The following MPP7 variants were observed in gnomAD, a reference collection of about 807,000 sequenced individuals.
The protein encoded by MPP7 is MAGUK p55 subfamily member 7.
Under a neutral mutation model 76.5 loss-of-function variants are expected in MPP7, and 60 were observed. That is an observed-to-expected ratio of 0.78 (90% CI 0.64 to 0.97). The LOEUF is 0.97. Ranked by LOEUF, MPP7 falls within the 50% of genes least tolerant of loss-of-function variation. MPP7 has a pLI of 0.00. For missense variants in MPP7, 641 were observed against 694.0 expected, an observed-to-expected ratio of 0.92 and a Z score of 0.86; for synonymous variants, 237 against 244.5, an observed-to-expected ratio of 0.97 and a Z score of 0.29.
At chr10:28,163,002 C>T (rs1291190200) in intron 3 of MPP7, among the ~76,000 whole-genome samples, 2 of 152,122 alleles carry the variant, frequency 1.3e-5, no homozygotes, top group African/African-American at 4.8e-5. Flanking sequence ...GATAATCTTC[C>T]TATCTCAAGG....
chr10:28,249,421 T>A (rs775103196), intron 1 of MPP7, among the ~76,000 whole-genome samples: 4 of 152,122 alleles, frequency 2.6e-5, no homozygotes, highest in Non-Finnish European at 5.9e-5. Flanking sequence ...AAACCCCATC[T>A]CTACTAAAAA....
At chr10:28,118,589 G>C in intron 11 of MPP7, 1 of 985,368 alleles carries the variant, frequency 1.0e-6, no homozygotes, top group Non-Finnish European at 1.2e-6. Context: ...TAAGAACAGT[G>C]CAATATTCTC....
At chr10:28,065,945 T>C (rs570225423) in intron 13 of MPP7, among the ~76,000 whole-genome samples, 3 of 152,338 alleles carry the variant, frequency 2.0e-5, no homozygotes, top group African/African-American at 7.2e-5. Context: ...TAATAATTTT[T>C]GTTACCTATT....
At chr10:28,241,620 A>G (rs10826432) in intron 1 of MPP7, among the ~76,000 whole-genome samples, 24,715 of 152,132 alleles carry the variant, frequency 0.16, 2,355 homozygotes, top group African/African-American at 0.26. Flanking sequence ...TCGATTTACT[A>G]CAACACAAAA....
intron 3 of MPP7, among the ~76,000 whole-genome samples, chr10:28,176,164 G>A (rs1836852186): frequency 1.3e-5 from 2 of 152,178 alleles, no homozygotes; most frequent in East Asian, 3.9e-4. Flanking sequence ...CTAGAATTGA[G>A]AATCACTTGA....
intron 1 of MPP7, among the ~76,000 whole-genome samples, chr10:28,270,907 G>C (rs1840307751): frequency 6.6e-6 from 1 of 152,000 alleles, no homozygotes; most frequent in African/African-American, 2.4e-5. Context: ...TCTCTCAGTG[G>C]GACTGCCCCA....
intron 3 of MPP7, among the ~76,000 whole-genome samples, chr10:28,171,620 A>G (rs1836683542): frequency 6.6e-6 from 1 of 152,220 alleles, no homozygotes; most frequent in Admixed American, 6.5e-5. Context: ...TATGTTGATA[A>G]AAGTTTATGC....
At position 28,185,200 on chromosome 10, in the gene MPP7, G is replaced by A. The variant is rs1837194572; in HGVS notation, c.156+16953C>T. 2.7e-5 allele frequency among the ~76,000 whole-genome samples: 4 copies of A among 147,760 alleles called. No individual in the cohort carries two copies. The South Asian group carries it at 8.4e-4, about 31-fold the overall frequency. On this transcript the variant is annotated intron_variant, in intron 3 of 16. Coordinates refer to ENST00000683449, the MANE Select transcript of MPP7 (RefSeq NM_001318170.2). ...AAAATAAGTTATAAATTATTATGTT[G>A]TTATATGATATAATATAGTATAATA...
At chr10:28,201,174 A>C (rs563230851) in intron 3 of MPP7, among the ~76,000 whole-genome samples, 1 of 152,324 alleles carries the variant, frequency 6.6e-6, no homozygotes, top group Non-Finnish European at 1.5e-5. Context: ...GCCACATATC[A>C]ACACTTCCAT....
intron 11 of MPP7, among the ~76,000 whole-genome samples, chr10:28,106,306 T>C (rs73606061): frequency 0.017 from 2,634 of 152,314 alleles, 75 homozygotes; most frequent in African/African-American, 0.058. Context: ...CCAGGATACC[T>C]ATCTACAGCA....
chr10:28,116,807 T>A (rs78302884), intron 11 of MPP7, among the ~76,000 whole-genome samples: 11,999 of 152,182 alleles, frequency 0.079, 881 homozygotes, highest in African/African-American at 0.19. Flanking sequence ...CTTCTGGGTT[T>A]GTATTAGATA....
rs576780325 is a variant in MPP7, at chr10:28,051,327, T to C, written c.*2738A>G. 3.3e-5 allele frequency: 5 copies of C among 152,170 alleles called. No homozygotes were observed. Among genetic ancestry groups the C allele is most frequent in the Non-Finnish European group, 7.3e-5 (5 of 68,036 alleles). 9.4% of individuals were successfully genotyped at this position (152,170 alleles called of 1,614,324 possible). A position where few individuals can be genotyped will look rare whatever the true frequency, so the allele number is the denominator to read the frequency against. On this transcript the variant is annotated 3_prime_UTR_variant, in exon 17 of 17. Coordinates refer to ENST00000683449, the MANE Select transcript of MPP7 (RefSeq NM_001318170.2). ...GGTTATGTTTGTCAGTTTCAAATTA[T>C]TACAGTTTAGATACATTCAATCATT...
chr10:28,242,054 G>C (rs1839289011), intron 1 of MPP7, among the ~76,000 whole-genome samples: 1 of 152,068 alleles, frequency 6.6e-6, no homozygotes, highest in Non-Finnish European at 1.5e-5. Context: ...TCCATAGTCT[G>C]CAACATTTTT....
chr10:28,317,152 G>A (rs1423261642), intron 2 of MPP7, among the ~76,000 whole-genome samples: 2 of 152,184 alleles, frequency 1.3e-5, no homozygotes, highest in Non-Finnish European at 2.9e-5. Context: ...CTTGTCATTA[G>A]CATCTGCCAT....
chr10:28,092,740 A>ATTT lies in MPP7; in HGVS notation c.953-2902_953-2900dup, dbSNP rs536385197. ...GGCATGTGCCACCACACCTGGCTCA[A>ATTT]TTTTTTTTTTTTTTTTTTTTGAAGA... On this transcript the variant is annotated intron_variant, in intron 11 of 16. Coordinates refer to ENST00000683449, the MANE Select transcript of MPP7 (RefSeq NM_001318170.2). Among the ~76,000 whole-genome samples, 15 of 105,512 alleles carry ATTT rather than the reference A, an allele frequency of 1.4e-4. 1 individual carries two copies. Among genetic ancestry groups the ATTT allele is most frequent in the East Asian group, 3.7e-4 (1 of 2,712 alleles). 69.2% of individuals were successfully genotyped at this position (105,512 alleles called of 152,430 possible). A position where few individuals can be genotyped will look rare whatever the true frequency, so the allele number is the denominator to read the frequency against.
chr10:28,089,788 A>G lies in MPP7; in HGVS notation c.1006T>C (p.Ser336Pro), dbSNP rs375298923. ...LSRKDKKTNK[S>P]MYECKKSDQY... ...TCACTCTTCTTGCATTCATACATGG[A>G]TTTATTTGTTTTCTTATCTTTTCTA... Residue 336 changes from serine to proline, a missense_variant, in exon 12 of 17, where the codon TCC (serine) becomes CCC (proline). Ser to Pro is a moderately conservative substitution (Grantham distance 74). Transcript: ENST00000683449. 198 of 1,599,600 alleles carry G rather than the reference A, an allele frequency of 1.2e-4. No individual in the cohort carries two copies. The highest frequency in any genetic ancestry group is 1.6e-4 in the Non-Finnish European group (183 of 1,168,242).
At chr10:28,071,386 C>G (rs912890070) in intron 12 of MPP7, among the ~76,000 whole-genome samples, 3 of 152,208 alleles carry the variant, frequency 2.0e-5, no homozygotes, top group African/African-American at 7.2e-5. Context: ...TTCTAGGTCC[C>G]TGACCCTTGT....
At chr10:28,137,875 C>G (rs1449875442) in intron 5 of MPP7, among the ~76,000 whole-genome samples, 1 of 152,192 alleles carries the variant, frequency 6.6e-6, no homozygotes, top group Non-Finnish European at 1.5e-5. Flanking sequence ...CAAGCACTCA[C>G]TGCACTGGAA....
chr10:28,273,891 A>C (rs1840405421), intron 1 of MPP7, among the ~76,000 whole-genome samples: 1 of 152,136 alleles, frequency 6.6e-6, no homozygotes, highest in African/African-American at 2.4e-5. Flanking sequence ...GCTACTCAGG[A>C]GGCTGAGTTG....
Sources: allele counts gnomAD v4.1 joint callset (sites outside exome capture counted in the v4.1 genomes callset), GRCh38; gene constraint gnomAD v4.1.1; transcripts MANE v1.5; gene names NCBI Gene and HGNC (gene_info 2026-07-23, HGNC 2026-07-21).